FOXK2: variants seen among roughly 807,000 people sequenced by gnomAD.
FOXK2 encodes the protein forkhead box protein K2.
FOXK2 carries 24 observed loss-of-function variants against 53.3 expected under a neutral mutation model. That is an observed-to-expected ratio of 0.45 (90% CI 0.33 to 0.63). FOXK2 has a LOEUF of 0.63. Ranked by LOEUF, FOXK2 falls within the 30% of genes least tolerant of loss-of-function variation. The probability of loss-of-function intolerance (pLI) is 0.03; values close to 1 mark genes in which losing one functional copy is unlikely to be tolerated. For missense variants in FOXK2, 952 were observed against 910.5 expected (o/e 1.05, Z -0.59); for synonymous variants, 505 against 407.1 (o/e 1.24, Z -2.89).
chr17:82,526,983 G>A (rs554992822), intron 1 of FOXK2, among the ~76,000 whole-genome samples: 10 of 152,302 alleles, frequency 6.6e-5, no homozygotes, highest in African/African-American at 9.6e-5. Flanking sequence ...TCGGAACGGA[G>A]CTACTAGGAA....
chr17:82,535,107 T>C (rs537077925), intron 1 of FOXK2, among the ~76,000 whole-genome samples: 1 of 152,352 alleles, frequency 6.6e-6, no homozygotes, highest in Non-Finnish European at 1.5e-5. Flanking sequence ...CTCGAACTCC[T>C]GACCTCAGCT....
intron 2 of FOXK2, among the ~76,000 whole-genome samples, chr17:82,565,884 C>T (rs933457772): frequency 2.0e-5 from 3 of 152,128 alleles, no homozygotes; most frequent in Non-Finnish European, 4.4e-5. Context: ...GCACAATTTC[C>T]AGAGAATAGA....
In FOXK2 at chr17:82,582,178, G is replaced by A. The variant is rs529578841; in HGVS notation, c.910-563G>A. On this transcript the variant is annotated intron_variant, in intron 4 of 8. Transcript: ENST00000335255. ...CTCTGTTTGTCTCCAAGCAGGGAGA[G>A]GTTGGCAGCTAAGTCATTGCCTCCA... is the stretch of plus-strand genomic sequence containing the variant. Among the ~76,000 whole-genome samples, 6 of 152,298 alleles carry A rather than the reference G, an allele frequency of 3.9e-5. No homozygotes were observed. The East Asian group carries it at 9.6e-4, about 24-fold the overall frequency.
At chr17:82,577,327 A>G in intron 4 of FOXK2, 1 of 841,488 alleles carries the variant, frequency 1.2e-6, no homozygotes, top group Non-Finnish European at 1.9e-6. Flanking sequence ...ATCCAACCAC[A>G]ACAGCAAATT....
intron 3 of FOXK2, among the ~76,000 whole-genome samples, chr17:82,568,463 C>T (rs1227371493): frequency 6.6e-6 from 1 of 152,196 alleles, no homozygotes; most frequent in Non-Finnish European, 1.5e-5. Flanking sequence ...GGGCAGACAG[C>T]GGAAGATGGA....
chr17:82,583,568 T>G (rs1185875011), intron 5 of FOXK2, among the ~76,000 whole-genome samples: 2 of 152,198 alleles, frequency 1.3e-5, no homozygotes, highest in East Asian at 3.8e-4. Context: ...TACACTACTT[T>G]TTAGCTGCTT....
chr17:82,538,148 A>G (rs1359574737), intron 1 of FOXK2, among the ~76,000 whole-genome samples: 1 of 151,738 alleles, frequency 6.6e-6, no homozygotes, highest in Non-Finnish European at 1.5e-5. Flanking sequence ...GTTTGAACCC[A>G]AGAGGCAGAG....
chr17:82,582,709 A>G (rs2306759), intron 4 of FOXK2, 32 bp from the exon 5 acceptor site: 608,778 of 1,502,962 alleles, frequency 0.41, 127,168 homozygotes, highest in South Asian at 0.45. Flanking sequence ...AAATAAATAT[A>G]TGAATTCTAC....
chr17:82,548,327 G>A (rs899302065), intron 1 of FOXK2, among the ~76,000 whole-genome samples: 2 of 151,978 alleles, frequency 1.3e-5, no homozygotes, highest in African/African-American at 2.4e-5. Flanking sequence ...CCATTATCTG[G>A]GTGTGTAGTG....
intron 1 of FOXK2, among the ~76,000 whole-genome samples, chr17:82,555,510 C>G (rs2044714798): frequency 6.6e-6 from 1 of 152,100 alleles, no homozygotes; most frequent in South Asian, 2.1e-4. Flanking sequence ...TTTAATGTAT[C>G]TTGTTTCGAA....
chr17:82,541,985 A>G (rs2044578709), intron 1 of FOXK2, among the ~76,000 whole-genome samples: 1 of 149,386 alleles, frequency 6.7e-6, no homozygotes, highest in East Asian at 2.0e-4. Flanking sequence ...GGTTCAAGTG[A>G]TTCTTTTGCC....
chr17:82,592,595 T>G (rs1278499777), intron 8 of FOXK2, among the ~76,000 whole-genome samples: 1 of 152,246 alleles, frequency 6.6e-6, no homozygotes, highest in African/African-American at 2.4e-5. Context: ...TTCGCTTCTT[T>G]CGTTAACATT....
rs756396010 is a variant in FOXK2, at chr17:82,526,406, A to G, written c.419+6099A>G. The stretch of plus-strand genomic sequence containing the variant: ...AGGAGGCTGGACATAGGGCTGGAGA[A>G]TAAGGAAGGAGTGGAGGTAGAAGGA... On this transcript the variant is annotated intron_variant, in intron 1 of 8. Transcript: ENST00000335255. Among the ~76,000 whole-genome samples, 4 of 152,216 alleles carry G rather than the reference A, an allele frequency of 2.6e-5. No homozygotes were observed. In the South Asian group the frequency reaches 8.3e-4, roughly 32 times the overall value.
chr17:82,541,001 T>A (rs1475028565), intron 1 of FOXK2, among the ~76,000 whole-genome samples: 1 of 152,054 alleles, frequency 6.6e-6, no homozygotes, highest in African/African-American at 2.4e-5. Context: ...AGTGGGTGTG[T>A]GTGGCGTGTG....
chr17:82,601,402 T>C lies in FOXK2; in HGVS notation c.1886T>C (p.Leu629Pro). 1 of 1,613,250 alleles carries C rather than the reference T, an allele frequency of 6.2e-7. No homozygotes were observed. Residue 629 changes from leucine (L) to proline (P), a missense_variant, in exon 9 of 9, where the codon CTG (leucine) becomes CCG (proline). Leu to Pro is a moderately conservative substitution (Grantham distance 98). Around this residue, in one of 5 missense-constraint regions of FOXK2, gnomAD observed 551 missense variants for 385.1 expected, o/e 1.43. Transcript: ENST00000335255. ...HNGDQPEQPE[L>P]KRIKTEDGEG... ...GGTGACCAGCCGGAGCAGCCGGAGC[T>C]GAAGCGGATCAAGACAGAAGACGGC...
intron 1 of FOXK2, among the ~76,000 whole-genome samples, chr17:82,549,262 G>A (rs2044654098): frequency 1.3e-5 from 2 of 152,292 alleles, no homozygotes; most frequent in Admixed American, 6.5e-5. Flanking sequence ...TTGCCACACC[G>A]AACTGCAGAC....
At chr17:82,586,823 C>T (rs897316139) in intron 7 of FOXK2, among the ~76,000 whole-genome samples, 4 of 152,060 alleles carry the variant, frequency 2.6e-5, no homozygotes, top group Admixed American at 2.6e-4. Context: ...ATCACTTGAA[C>T]CCGGAAGGTG....
intron 1 of FOXK2, among the ~76,000 whole-genome samples, chr17:82,543,216 C>T (rs1057252418): frequency 3.3e-5 from 5 of 152,184 alleles, no homozygotes; most frequent in South Asian, 2.1e-4. Flanking sequence ...TAAAACTGGA[C>T]ATGCTATCAG....
chr17:82,538,475 A>G (rs902160759), intron 1 of FOXK2, among the ~76,000 whole-genome samples: 2 of 152,228 alleles, frequency 1.3e-5, no homozygotes, highest in Admixed American at 1.3e-4. Context: ...ACAGACCAAG[A>G]TCCTGTCTCC....
Sources: allele counts gnomAD v4.1 joint callset (sites outside exome capture counted in the v4.1 genomes callset), GRCh38; gene constraint gnomAD v4.1.1; regional missense constraint gnomAD v4.1.1; transcripts MANE v1.5; gene names NCBI Gene and HGNC (gene_info 2026-07-23, HGNC 2026-07-21).